Variants in SV2B observed in about 807,000 individuals in gnomAD.
The protein encoded by SV2B is synaptic vesicle glycoprotein 2B.
In SV2B, 41 loss-of-function variants were observed where a neutral mutation model predicts 73.9. That is an observed-to-expected ratio of 0.56 (90% confidence interval 0.43 to 0.72). The LOEUF is 0.72. Among genes scored for constraint, SV2B ranks in the 30% least tolerant of loss-of-function variants. The pLI, the probability that SV2B is intolerant of heterozygous loss-of-function variation, is 0.00. For synonymous variants in SV2B, 314 were observed against 314.2 expected (o/e 1.00, Z 0.01); for missense variants, 764 against 857.8 (o/e 0.89, Z 1.37).
At chr15:91,196,716 A>G (rs555900248) in intron 1 of SV2B, among the ~76,000 whole-genome samples, 37 of 152,342 alleles carry the variant, frequency 2.4e-4, no homozygotes, top group African/African-American at 8.7e-4. Context: ...ATTATCCTCT[A>G]CTTATATGTG....
rs192686107 is a variant in SV2B, at chr15:91,102,578, A to C, written c.-392+2215A>C. Among the ~76,000 whole-genome samples the C allele has an allele frequency of 1.6e-4, 25 of 152,284 alleles. 1 individual carries two copies. The highest frequency in any genetic ancestry group is 1.0e-3 in the South Asian group (5 of 4,816). ...GAATACAGACAAAAACAACCAAAAA[A>C]GCCCTCTCTCAAGGAGCTTAAATTA... On this transcript the variant is annotated intron_variant, in intron 1 of 12. Transcript: ENST00000394232.
Position 91,227,780 on chromosome 15 carries a change from G to C in SV2B, c.451+1066G>C, listed in dbSNP as rs541320812. On this transcript the variant is annotated intron_variant, in intron 2 of 12. Coordinates refer to ENST00000394232, the MANE Select transcript of SV2B (RefSeq NM_001323032.3). The surrounding 1 kb of genome is among the most constrained non-coding windows in gnomAD (Gnocchi z 4.5). ...CATTAACAAACACAGAGAATTATTT[G>C]GTTACTGTAGGGACAGTCTCTATGA... Among the ~76,000 whole-genome samples the C allele has an allele frequency of 1.1e-3, 161 of 152,296 alleles. No homozygotes were observed. The highest frequency in any genetic ancestry group is 1.7e-3 in the Non-Finnish European group (113 of 68,022).
At chr15:91,114,666 A>G (rs777489754) in intron 1 of SV2B, among the ~76,000 whole-genome samples, 1 of 152,320 alleles carries the variant, frequency 6.6e-6, no homozygotes, top group South Asian at 2.1e-4. Context: ...GTTTTCTTGC[A>G]GCAGCTTTAT....
rs1318038184 is a variant in SV2B, at chr15:91,224,538, G to T, written c.-391-1335G>T. On this transcript the variant is annotated intron_variant, in intron 1 of 12. Transcript: ENST00000394232. This position sits in a 1 kb window ranked among gnomAD's most constrained non-coding sequence, Gnocchi z 4.9. ...AAGCAGCCCTTCTTCATTACGCTCT[G>T]GGAATCTGTATTTTTAAAGCTCCCC... is the stretch of plus-strand genomic sequence containing the variant. Among the ~76,000 whole-genome samples, 2 of 152,120 alleles carry T rather than the reference G, an allele frequency of 1.3e-5. No homozygotes were observed. The highest frequency in any genetic ancestry group is 2.9e-5 in the Non-Finnish European group (2 of 68,018).
chr15:91,124,889 A>T lies in SV2B; in HGVS notation c.-392+24526A>T, dbSNP rs1007617542. On this transcript the variant is annotated intron_variant, in intron 1 of 12. Transcript: ENST00000394232. The surrounding 1 kb of genome is among the most constrained non-coding windows in gnomAD (Gnocchi z 4.6). ...GGCTGGTCTCGAACTCCTGACTTCA[A>T]GTGATCCACCCGCCTCGGCCTCCCA... Among the ~76,000 whole-genome samples, 1 of 152,080 alleles carries T rather than the reference A, an allele frequency of 6.6e-6. No individual in the cohort carries two copies. Among genetic ancestry groups the T allele is most frequent in the Admixed American group, 6.5e-5 (1 of 15,280 alleles).
Position 91,139,224 on chromosome 15 carries a change from G to T in SV2B, c.-392+38861G>T, listed in dbSNP as rs1036054364. Among the ~76,000 whole-genome samples, 3 of 152,128 alleles carry T rather than the reference G, an allele frequency of 2.0e-5. No homozygotes were observed. Among genetic ancestry groups the T allele is most frequent in the African/African-American group, 7.2e-5 (3 of 41,392 alleles). ...AAGGAGGTTGGAGAACTGGGTAGGG[G>T]TATAGATGATATGAGATTGGAATGA... On this transcript the variant is annotated intron_variant, in intron 1 of 12. Coordinates refer to ENST00000394232, the MANE Select transcript of SV2B (RefSeq NM_001323032.3). The surrounding 1 kb of genome is among the most constrained non-coding windows in gnomAD (Gnocchi z 5.2).
rs1340621425 is a variant in SV2B, at chr15:91,178,217, C to T, written c.-391-47656C>T. Among the ~76,000 whole-genome samples the T allele has an allele frequency of 5.9e-5, 9 of 151,700 alleles. No individual in the cohort carries two copies. The East Asian group carries it at 1.7e-3, about 29-fold the overall frequency. Reference sequence around the variant, plus strand: ...ATTTATTGATTTGTGTATGTTGAACCAGCCTTGCATCCCAGGGATGAAGCC... The same window carrying T: ...ATTTATTGATTTGTGTATGTTGAACTAGCCTTGCATCCCAGGGATGAAGCC... On this transcript the variant is annotated intron_variant, in intron 1 of 12. Transcript: ENST00000394232.
At chr15:91,210,216 C>T (rs188452025) in intron 1 of SV2B, among the ~76,000 whole-genome samples, 3 of 151,938 alleles carry the variant, frequency 2.0e-5, no homozygotes, top group Admixed American at 2.0e-4. Context: ...ATCTGTGAGG[C>T]CACTACTGAT....
chr15:91,206,069 C>T (rs995626537), intron 1 of SV2B, among the ~76,000 whole-genome samples: 6 of 151,946 alleles, frequency 3.9e-5, no homozygotes, highest in Admixed American at 1.3e-4. Flanking sequence ...ACAGGGTCTT[C>T]CTCTGTTGCC....
At chr15:91,206,047 T>G (rs1055835499) in intron 1 of SV2B, among the ~76,000 whole-genome samples, 3 of 151,960 alleles carry the variant, frequency 2.0e-5, no homozygotes, top group Non-Finnish European at 2.9e-5. Flanking sequence ...TGGGTGGTTG[T>G]TTGTTTTTGA....
chr15:91,112,923 C>T (rs1194540057), intron 1 of SV2B, among the ~76,000 whole-genome samples: 1 of 152,130 alleles, frequency 6.6e-6, no homozygotes, highest in Non-Finnish European at 1.5e-5. Flanking sequence ...CTCAAGAGAC[C>T]CTCCCACCCC....
intron 1 of SV2B, among the ~76,000 whole-genome samples, chr15:91,133,809 C>T (rs1048514017): frequency 1.6e-4 from 24 of 152,078 alleles, no homozygotes; most frequent in African/African-American, 5.1e-4. Context: ...AGTGAGCCTT[C>T]CAGGTATGCG....
chr15:91,287,380 G>A (rs530446032), intron 11 of SV2B, among the ~76,000 whole-genome samples: 10 of 152,264 alleles, frequency 6.6e-5, no homozygotes, highest in Non-Finnish European at 1.5e-4. Context: ...CCTGTGTCCC[G>A]GTTGGTTGTT....
Position 91,251,965 on chromosome 15 carries a change from G to A in SV2B, c.598G>A (p.Ala200Thr), listed in dbSNP as rs566828523. The A allele has an allele frequency of 9.3e-6, 15 of 1,614,076 alleles. No individual in the cohort carries two copies. Among genetic ancestry groups the A allele is most frequent in the Admixed American group, 8.3e-5 (5 of 60,012 alleles). Residue 200 changes from alanine (A) to threonine (T), a missense_variant, in exon 3 of 13, where the codon GCC (alanine) becomes ACC (threonine). Transcript: ENST00000394232. ...SLSSFVQGYG[A>T]FLFCRLISGI... ...CTCTTCCTTCGTGCAGGGATATGGA[G>A]CCTTCCTCTTCTGCCGACTCATCTC...
intron 6 of SV2B, 41 bp from the exon 7 acceptor site, chr15:91,266,541 A>C: frequency 8.1e-6 from 12 of 1,477,320 alleles, no homozygotes; most frequent in Non-Finnish European, 1.0e-5. Context: ...TCTGACACAA[A>C]GTGGGGTTCA....
At chr15:91,243,874 G>T (rs183834534) in intron 2 of SV2B, among the ~76,000 whole-genome samples, 1 of 152,224 alleles carries the variant, frequency 6.6e-6, no homozygotes, top group Non-Finnish European at 1.5e-5. Context: ...TCAGAACCTA[G>T]AACTTCCAGG....
In SV2B at chr15:91,214,574, C is replaced by T. The variant is rs1484536980; in HGVS notation, c.-391-11299C>T. Among the ~76,000 whole-genome samples the T allele has an allele frequency of 1.3e-5, 2 of 152,142 alleles. No individual in the cohort carries two copies. The highest frequency in any genetic ancestry group is 2.9e-5 in the Non-Finnish European group (2 of 68,014). ...AACCTGCTCTGATTCACAGAACTTG[C>T]GAATGGCAGAGCTGGTATCTGTAAA... On this transcript the variant is annotated intron_variant, in intron 1 of 12. Transcript: ENST00000394232. This position sits in a 1 kb window ranked among gnomAD's most constrained non-coding sequence, Gnocchi z 4.7.
rs1231530684 is a variant in SV2B at position 91,121,276 on chromosome 15, C to T, written c.-392+20913C>T. Among the ~76,000 whole-genome samples, 1 of 152,118 alleles carries T rather than the reference C, an allele frequency of 6.6e-6. No homozygotes were observed. Among genetic ancestry groups the T allele is most frequent in the Non-Finnish European group, 1.5e-5 (1 of 68,030 alleles). On this transcript the variant is annotated intron_variant, in intron 1 of 12. Coordinates refer to ENST00000394232, the MANE Select transcript of SV2B (RefSeq NM_001323032.3). The surrounding 1 kb of genome is among the most constrained non-coding windows in gnomAD (Gnocchi z 4.4). The stretch of plus-strand genomic sequence containing the variant: ...GCTGTGGTTCTCAATCCTGGCTGTA[C>T]TTTAGAATCAAGTGAGAAATTTATT...
intron 9 of SV2B, among the ~76,000 whole-genome samples, chr15:91,273,025 G>T (rs60665994): frequency 0.068 from 10,339 of 151,914 alleles, 397 homozygotes; most frequent in Non-Finnish European, 0.091. Flanking sequence ...TAGAGATGGG[G>T]TTTTGCCATG....
Sources: gnomAD v4.1 joint callset for allele counts (sites outside exome capture counted in the v4.1 genomes callset) on GRCh38, gnomAD v4.1.1 for gene constraint, Gnocchi (gnomAD v3.1) non-coding constraint, MANE v1.5 for transcripts, NCBI Gene and HGNC (gene_info 2026-07-23, HGNC 2026-07-21) for gene names.